The following STK32B variants were observed in gnomAD, a reference collection of about 807,000 sequenced individuals.
STK32B encodes the protein serine/threonine-protein kinase 32B.
STK32B carries 43 observed loss-of-function variants against 52.6 expected under a neutral mutation model. The ratio of observed to expected loss-of-function variants is 0.82; its 90% CI spans 0.64 to 1.05. The LOEUF is 1.05. Among genes scored for constraint, STK32B ranks in the 50% least tolerant of loss-of-function variants. The pLI, the probability that STK32B is intolerant of heterozygous loss-of-function variation, is 0.00. For missense variants in STK32B, 621 were observed against 534.6 expected, an observed-to-expected ratio of 1.16 and a Z score of -1.59; for synonymous variants, 238 against 204.3, an observed-to-expected ratio of 1.17 and a Z score of -1.41.
chr4:5,278,664 G>A (rs1460988460), intron 3 of STK32B, among the ~76,000 whole-genome samples: 3 of 152,180 alleles, frequency 2.0e-5, no homozygotes, highest in Non-Finnish European at 4.4e-5. Flanking sequence ...GTTACAGAGA[G>A]TTATGGTATT....
intron 3 of STK32B, among the ~76,000 whole-genome samples, chr4:5,324,170 A>G (rs58840706): frequency 0.092 from 14,074 of 152,238 alleles, 1,407 homozygotes; most frequent in African/African-American, 0.23. Flanking sequence ...TCTGGCCAAC[A>G]TGATGAAACC....
At chr4:5,266,993 G>A (rs753000597) in intron 3 of STK32B, among the ~76,000 whole-genome samples, 8 of 151,724 alleles carry the variant, frequency 5.3e-5, no homozygotes, top group Non-Finnish European at 1.2e-4. Flanking sequence ...CAACCAGAGG[G>A]CTCCCCATCT....
At chr4:5,449,079 G>C (rs4688932) in intron 7 of STK32B, among the ~76,000 whole-genome samples, 101,898 of 152,024 alleles carry the variant, frequency 0.67, 34,226 homozygotes, top group East Asian at 0.83. Flanking sequence ...CGGTGACTCA[G>C]ATCTGTAATC....
chr4:5,475,470 G>A (rs544071592), intron 11 of STK32B, among the ~76,000 whole-genome samples: 3 of 145,014 alleles, frequency 2.1e-5, no homozygotes, highest in African/African-American at 7.7e-5. Context: ...AGGCTGAGGT[G>A]GGCAGATCAC....
intron 11 of STK32B, among the ~76,000 whole-genome samples, chr4:5,489,436 A>C (rs146760088): frequency 1.3e-5 from 2 of 152,304 alleles, no homozygotes; most frequent in African/African-American, 2.4e-5. Context: ...AATTCTATTC[A>C]TCAAGTAATT....
intron 3 of STK32B, among the ~76,000 whole-genome samples, chr4:5,268,574 T>C (rs980744600): frequency 6.2e-5 from 9 of 145,148 alleles, no homozygotes; most frequent in Admixed American, 4.1e-4. Flanking sequence ...TGTGTGTGTG[T>C]GTGTGTGTGT....
At chr4:5,427,855 G>A (rs1263867163) in intron 6 of STK32B, among the ~76,000 whole-genome samples, 1 of 151,048 alleles carries the variant, frequency 6.6e-6, no homozygotes, top group African/African-American at 2.4e-5. Flanking sequence ...ACCAGTTTTT[G>A]CTTTATTGAT....
At chr4:5,412,970 C>T (rs1437299260) in intron 5 of STK32B, among the ~76,000 whole-genome samples, 1 of 152,116 alleles carries the variant, frequency 6.6e-6, no homozygotes, top group Non-Finnish European at 1.5e-5. Context: ...AGCTCCTTTC[C>T]TACTCCTTCC....
intron 2 of STK32B, among the ~76,000 whole-genome samples, chr4:5,145,109 T>A (rs1359044842): frequency 2.0e-5 from 3 of 150,504 alleles, no homozygotes; most frequent in Admixed American, 2.0e-4. Context: ...CCCATATGAT[T>A]TTTTTCTCAT....
intron 2 of STK32B, among the ~76,000 whole-genome samples, chr4:5,144,158 A>C (rs1205653110): frequency 6.6e-6 from 1 of 152,202 alleles, no homozygotes; most frequent in Non-Finnish European, 1.5e-5. Flanking sequence ...ATGAGAGTGC[A>C]AGGCAGTGTG....
At chr4:5,146,156 A>C (rs2052766626) in intron 2 of STK32B, among the ~76,000 whole-genome samples, 1 of 151,730 alleles carries the variant, frequency 6.6e-6, no homozygotes. Context: ...TTAATAGGAT[A>C]TATGTATATA....
chr4:5,179,323 G>A (rs748285060), intron 3 of STK32B, among the ~76,000 whole-genome samples: 19 of 152,158 alleles, frequency 1.2e-4, no homozygotes, highest in Admixed American at 2.0e-4. Flanking sequence ...ATGACACATG[G>A]GGATTATGGG....
rs930664226 is a variant in STK32B at position 5,446,862 on chromosome 4, C to T, written c.666+86C>T. 1.2e-5 allele frequency: 17 copies of T among 1,367,784 alleles called. 1 individual carries two copies. Among genetic ancestry groups the T allele is most frequent in the East Asian group, 4.8e-5 (2 of 41,934 alleles). The allele number at this position is 1,367,784 out of a possible 1,614,324, so 84.7% of individuals were successfully genotyped here. On this transcript the variant is annotated intron_variant, in intron 7 of 11. Transcript: ENST00000282908. ...CTGGACGGGCAGAGTCGGCAGGGCCCGCGGTGCAGGAAGGAGCACTGGGGG... is the reference window on the plus strand; with the variant it reads ...CTGGACGGGCAGAGTCGGCAGGGCCTGCGGTGCAGGAAGGAGCACTGGGGG...
intron 4 of STK32B, among the ~76,000 whole-genome samples, chr4:5,350,398 C>T (rs957711612): frequency 6.6e-6 from 1 of 152,062 alleles, no homozygotes; most frequent in Non-Finnish European, 1.5e-5. Flanking sequence ...ACCAGCCCTA[C>T]AAGAAATGCT....
rs543240586 is a variant in STK32B at position 5,200,260 on chromosome 4, T to A, written c.260+31810T>A. 2.8e-3 allele frequency among the ~76,000 whole-genome samples: 422 copies of A among 152,264 alleles called. 1 individual carries two copies. The highest frequency in any genetic ancestry group is 0.024 in the Middle Eastern group (7 of 294). ...GATCTGCACTCTTCTGCTCTTTTTT[T>A]TTTTTTTTAATTGCCTTGCTCTCTA... is the stretch of plus-strand genomic sequence containing the variant. On this transcript the variant is annotated intron_variant, in intron 3 of 11. Coordinates refer to ENST00000282908, the MANE Select transcript of STK32B (RefSeq NM_018401.3).
At chr4:5,313,504 G>A (rs1240997375) in intron 3 of STK32B, among the ~76,000 whole-genome samples, 5 of 151,950 alleles carry the variant, frequency 3.3e-5, no homozygotes, top group African/African-American at 7.3e-5. Context: ...GGAAGTTCTA[G>A]CAACTGCAGT....
chr4:5,421,691 G>A (rs1712663258), intron 6 of STK32B, among the ~76,000 whole-genome samples: 1 of 152,240 alleles, frequency 6.6e-6, no homozygotes, highest in Admixed American at 6.5e-5. Flanking sequence ...CTCCAGGAAA[G>A]CAGAGCCATG....
In STK32B at chr4:5,333,308, G is replaced by A. The variant is rs887104802; in HGVS notation, c.434+1915G>A. Among the ~76,000 whole-genome samples the A allele has an allele frequency of 7.2e-5, 11 of 152,234 alleles. 1 individual carries two copies. The highest frequency in any genetic ancestry group is 2.4e-4 in the African/African-American group (10 of 41,516). On this transcript the variant is annotated intron_variant, in intron 4 of 11. Transcript: ENST00000282908. ...TGAGAAGTGTCTGTTCATGTCCTTTGCCCACTTTTTGATGGGGTTGTTTTT... is the reference window on the plus strand; with the variant it reads ...TGAGAAGTGTCTGTTCATGTCCTTTACCCACTTTTTGATGGGGTTGTTTTT...
At chr4:5,250,870 GTGTC>G (rs796531540) in intron 3 of STK32B, among the ~76,000 whole-genome samples, 4 of 152,246 alleles carry the variant, frequency 2.6e-5, no homozygotes, top group African/African-American at 7.2e-5. Context: ...CTTTTGAAAA[GTGTC>G]TGTTCATTTC....
Sources: gnomAD v4.1 joint callset for allele counts (sites outside exome capture counted in the v4.1 genomes callset) on GRCh38, gnomAD v4.1.1 for gene constraint, MANE v1.5 for transcripts, NCBI Gene and HGNC (gene_info 2026-07-23, HGNC 2026-07-21) for gene names.